Variants in OSBPL8 observed in about 807,000 individuals in gnomAD.
The protein encoded by OSBPL8 is oxysterol-binding protein-related protein 8.
A neutral mutation model predicts 125.5 loss-of-function variants in OSBPL8; 59 were observed. The observed-to-expected ratio is 0.47, with a 90% CI of 0.38 to 0.58. The LOEUF is 0.58. Ranked by LOEUF, OSBPL8 falls within the 20% of genes least tolerant of loss-of-function variation. The pLI is 0.00. For synonymous variants in OSBPL8, 330 were observed against 338.9 expected, an observed-to-expected ratio of 0.97 and a Z score of 0.29; for missense variants, 758 against 1,047.8, an observed-to-expected ratio of 0.72 and a Z score of 3.82.
chr12:76,542,382 T>C (rs1950670881), intron 1 of OSBPL8, among the ~76,000 whole-genome samples: 1 of 152,150 alleles, frequency 6.6e-6, no homozygotes, highest in Admixed American at 6.5e-5. Context: ...GCAGGTACTG[T>C]CCATATCACC....
intron 21 of OSBPL8, among the ~76,000 whole-genome samples, chr12:76,361,595 C>G (rs541286117): frequency 3.3e-5 from 5 of 152,086 alleles, no homozygotes; most frequent in Non-Finnish European, 5.9e-5. Context: ...AAGACATACC[C>G]GAGATGGGAA....
chr12:76,482,073 T>G (rs1461430127), intron 2 of OSBPL8, among the ~76,000 whole-genome samples: 2 of 152,216 alleles, frequency 1.3e-5, no homozygotes, highest in Admixed American at 6.5e-5. Flanking sequence ...AACTAAATCA[T>G]TTTTGCAGTT....
At chr12:76,498,580 T>C (rs957594531) in intron 1 of OSBPL8, among the ~76,000 whole-genome samples, 1 of 152,196 alleles carries the variant, frequency 6.6e-6, no homozygotes, top group African/African-American at 2.4e-5. Flanking sequence ...AACAAAGAAA[T>C]GTTCAAATGC....
chr12:76,386,926 A>T (rs1326718886), intron 12 of OSBPL8, among the ~76,000 whole-genome samples: 1 of 152,186 alleles, frequency 6.6e-6, no homozygotes, highest in Non-Finnish European at 1.5e-5. Context: ...TCTCCAAACC[A>T]AGGTTTCTGA....
At chr12:76,518,660 C>T (rs76711307) in intron 1 of OSBPL8, among the ~76,000 whole-genome samples, 2,811 of 152,290 alleles carry the variant, frequency 0.018, 68 homozygotes, top group African/African-American at 0.06. Context: ...CCTCTAAAAT[C>T]GAGGGGGAAG....
At chr12:76,450,189 G>A (rs1490838487) in intron 4 of OSBPL8, among the ~76,000 whole-genome samples, 1 of 152,130 alleles carries the variant, frequency 6.6e-6, no homozygotes, top group Non-Finnish European at 1.5e-5. Context: ...TGTCACAACT[G>A]GGGTAACTGC....
intron 15 of OSBPL8, among the ~76,000 whole-genome samples, chr12:76,383,057 T>C (rs1170560012): frequency 6.6e-6 from 1 of 152,226 alleles, no homozygotes; most frequent in Admixed American, 6.5e-5. Flanking sequence ...TTTACCCATA[T>C]GTTTACCAAT....
chr12:76,487,588 A>G lies in OSBPL8; in HGVS notation c.-37T>C. ...ATAGGTTTATGCTTCTCTTTCCATTAATGTGCAGCCATTCTGTAAATCTGC... is the reference window on the plus strand; with the variant it reads ...ATAGGTTTATGCTTCTCTTTCCATTGATGTGCAGCCATTCTGTAAATCTGC... On this transcript the variant is annotated 5_prime_UTR_variant, in exon 2 of 24. The change abolishes the stop of an existing upstream ORF in the 5' untranslated region. Coordinates refer to ENST00000261183, the MANE Select transcript of OSBPL8 (RefSeq NM_020841.5). 1 of 1,554,392 alleles carries G rather than the reference A, an allele frequency of 6.4e-7. No individual in the cohort carries two copies. Among genetic ancestry groups the G allele is most frequent in the African/African-American group, 1.4e-5 (1 of 72,152 alleles).
chr12:76,389,262 T>A (rs1953455211), intron 12 of OSBPL8, among the ~76,000 whole-genome samples: 1 of 152,042 alleles, frequency 6.6e-6, no homozygotes, highest in Non-Finnish European at 1.5e-5. Context: ...GACAGACAAG[T>A]ATGAGCAAAC....
rs1592536426 is a variant in OSBPL8, at chr12:76,369,400, C to A, written c.2241-99G>T. On this transcript the variant is annotated intron_variant, in intron 20 of 23. Transcript: ENST00000261183. ...ATCCAATTTTATTAATAATTATATA[C>A]ATAGTTCTAATAATGAGATTTCCCC... The A allele has an allele frequency of 5.5e-6, 8 of 1,449,896 alleles. No individual in the cohort carries two copies. In the East Asian group the frequency reaches 1.8e-4, roughly 32 times the overall value. 89.8% of individuals were successfully genotyped at this position (1,449,896 alleles called of 1,614,324 possible). A position where few individuals can be genotyped will look rare whatever the true frequency, so the allele number is the denominator to read the frequency against.
At chr12:76,356,563 T>C (rs1951994742) in intron 23 of OSBPL8, 63 bp downstream of exon 23, 1 of 1,010,614 alleles carries the variant, frequency 9.9e-7, no homozygotes, top group African/African-American at 1.6e-5. Flanking sequence ...TGATTTCCCA[T>C]ATAACAGGAT....
chr12:76,466,812 T>C (rs1875494133), intron 2 of OSBPL8, among the ~76,000 whole-genome samples: 1 of 151,680 alleles, frequency 6.6e-6, no homozygotes, highest in South Asian at 2.1e-4. Flanking sequence ...TACAAAAAAT[T>C]AGCCAGGCAT....
intron 4 of OSBPL8, among the ~76,000 whole-genome samples, chr12:76,446,417 A>C (rs1030251553): frequency 6.6e-6 from 1 of 152,344 alleles, no homozygotes; most frequent in East Asian, 1.9e-4. Flanking sequence ...CTTTACAAAA[A>C]GCCAATGACT....
At chr12:76,554,410 G>A (rs1017982059) in intron 1 of OSBPL8, among the ~76,000 whole-genome samples, 2 of 152,094 alleles carry the variant, frequency 1.3e-5, no homozygotes, top group Non-Finnish European at 2.9e-5. Flanking sequence ...AAAAGGATAG[G>A]CTCCAAAGTC....
intron 1 of OSBPL8, among the ~76,000 whole-genome samples, chr12:76,553,246 T>C (rs1243387830): frequency 6.6e-6 from 1 of 152,082 alleles, no homozygotes; most frequent in Admixed American, 6.5e-5. Context: ...TGTAAAAAAT[T>C]ATGTAATCTG....
At chr12:76,372,652 G>A (rs1275000381) in intron 18 of OSBPL8, among the ~76,000 whole-genome samples, 1 of 152,102 alleles carries the variant, frequency 6.6e-6, no homozygotes, top group Non-Finnish European at 1.5e-5. Flanking sequence ...CATGCAGAAA[G>A]GAGCATATAC....
intron 1 of OSBPL8, among the ~76,000 whole-genome samples, chr12:76,547,408 A>G (rs141945472): frequency 6.6e-6 from 1 of 152,310 alleles, no homozygotes; most frequent in Non-Finnish European, 1.5e-5. Context: ...CAATGCTAGG[A>G]ACAAAAAAAC....
chr12:76,412,981 T>C (rs1378650962), intron 4 of OSBPL8, among the ~76,000 whole-genome samples: 1 of 152,196 alleles, frequency 6.6e-6, no homozygotes, highest in Non-Finnish European at 1.5e-5. Flanking sequence ...TACTGCAGTA[T>C]ACTCCAATTA....
chr12:76,425,626 C>T (rs1273356747), intron 4 of OSBPL8, among the ~76,000 whole-genome samples: 1 of 152,146 alleles, frequency 6.6e-6, no homozygotes, highest in Non-Finnish European at 1.5e-5. Flanking sequence ...GAGCTTTGCC[C>T]AAGTTCTTTG....
Sources: gnomAD v4.1 joint callset for allele counts (sites outside exome capture counted in the v4.1 genomes callset) on GRCh38, gnomAD v4.1.1 for gene constraint, MANE v1.5 for transcripts, NCBI Gene and HGNC (gene_info 2026-07-23, HGNC 2026-07-21) for gene names.